TRAPPC9: variants seen among roughly 807,000 people sequenced by gnomAD.
The protein encoded by TRAPPC9 is IKK2 binding protein.
In TRAPPC9, 83 loss-of-function variants were observed where a neutral mutation model predicts 124.0. The observed-to-expected ratio is 0.67, with a 90% confidence interval of 0.56 to 0.80. The LOEUF (loss-of-function observed/expected upper bound fraction) is 0.80, where lower values mean the gene tolerates loss of function less well. Among genes scored for constraint, TRAPPC9 ranks in the 30% least tolerant of loss-of-function variants. TRAPPC9 has a pLI of 0.00. For missense variants in TRAPPC9, 1,302 were observed against 1,508.3 expected (o/e 0.86, Z 2.27); for synonymous variants, 638 against 617.5 (o/e 1.03, Z -0.49).
chr8:139,980,049 A>C (rs1587401172), intron 19 of TRAPPC9, among the ~76,000 whole-genome samples: 1 of 151,362 alleles, frequency 6.6e-6, no homozygotes, highest in African/African-American at 2.4e-5. Context: ...TCCTGCAGGT[A>C]CCCCCCAGTG....
chr8:140,062,367 G>A (rs528172992), intron 17 of TRAPPC9, among the ~76,000 whole-genome samples: 4 of 152,236 alleles, frequency 2.6e-5, no homozygotes, highest in East Asian at 1.9e-4. Flanking sequence ...ATGACATTTC[G>A]GTAGGACGTG....
chr8:139,932,632 C>A (rs1300175860), intron 19 of TRAPPC9: 1 of 414,918 alleles, frequency 2.4e-6, no homozygotes, highest in Admixed American at 2.5e-5. Flanking sequence ...GGTGTGTTGG[C>A]ACATGCCTGT....
chr8:139,999,726 C>A (rs1838267732), intron 18 of TRAPPC9, among the ~76,000 whole-genome samples: 1 of 152,078 alleles, frequency 6.6e-6, no homozygotes, highest in African/African-American at 2.4e-5. Flanking sequence ...CTTCTCTGAC[C>A]AAAACAGAAT....
chr8:139,895,068 G>A (rs1332207135), intron 20 of TRAPPC9, among the ~76,000 whole-genome samples: 8 of 152,174 alleles, frequency 5.3e-5, no homozygotes, highest in Non-Finnish European at 2.9e-5. Context: ...ACACGTCCCG[G>A]GCTACTCGGG....
At chr8:139,771,689 A>G (rs533082585) in intron 21 of TRAPPC9, among the ~76,000 whole-genome samples, 2 of 152,308 alleles carry the variant, frequency 1.3e-5, no homozygotes, top group African/African-American at 4.8e-5. Context: ...GACCACACGG[A>G]TATTTGTGAC....
intron 11 of TRAPPC9, among the ~76,000 whole-genome samples, chr8:140,293,335 T>TA (rs1452514643): frequency 4.0e-4 from 61 of 151,600 alleles, no homozygotes; most frequent in Middle Eastern, 3.4e-3. Flanking sequence ...GAACCAGAAA[T>TA]ACCATTTGAC....
intron 17 of TRAPPC9, among the ~76,000 whole-genome samples, chr8:140,070,560 C>G (rs1337771020): frequency 6.6e-6 from 1 of 152,072 alleles, no homozygotes; most frequent in East Asian, 1.9e-4. Flanking sequence ...TGAGAAAAAC[C>G]AGACTGTTCT....
At chr8:140,294,948 C>T (rs1227159789) in intron 11 of TRAPPC9, among the ~76,000 whole-genome samples, 1 of 152,184 alleles carries the variant, frequency 6.6e-6, no homozygotes, top group Non-Finnish European at 1.5e-5. Flanking sequence ...GAGATAACCC[C>T]TTTCCATCCT....
chr8:140,407,683 G>A lies in TRAPPC9; in HGVS notation c.887-1985C>T, dbSNP rs1366057805. Reference sequence around the variant, plus strand: ...CAGTGGTACTGGAGTGCAGTGGCACGATCTCAGCTCGCTACAACCCCCCTC... The same window carrying A: ...CAGTGGTACTGGAGTGCAGTGGCACAATCTCAGCTCGCTACAACCCCCCTC... On this transcript the variant is annotated intron_variant, in intron 5 of 22. Transcript: ENST00000438773. 2.6e-5 allele frequency among the ~76,000 whole-genome samples: 4 copies of A among 152,066 alleles called. No homozygotes were observed. In the East Asian group the frequency reaches 5.8e-4, roughly 22 times the overall value.
intron 17 of TRAPPC9, among the ~76,000 whole-genome samples, chr8:140,160,359 C>T (rs907658294): frequency 3.3e-5 from 5 of 152,112 alleles, no homozygotes; most frequent in African/African-American, 4.8e-5. Flanking sequence ...ATGTTTATTG[C>T]GGCACTATTC....
intron 21 of TRAPPC9, among the ~76,000 whole-genome samples, chr8:139,841,532 A>C (rs574211470): frequency 1.3e-5 from 2 of 152,338 alleles, no homozygotes; most frequent in South Asian, 2.1e-4. Context: ...GACTGTGCTC[A>C]TGGTCAACAC....
At chr8:140,069,211 T>A (rs1843017775) in intron 17 of TRAPPC9, among the ~76,000 whole-genome samples, 1 of 152,218 alleles carries the variant, frequency 6.6e-6, no homozygotes. Flanking sequence ...CAATTGAATG[T>A]TGCTATTCTC....
chr8:139,992,888 A>T (rs551461055), intron 18 of TRAPPC9, among the ~76,000 whole-genome samples: 1 of 152,234 alleles, frequency 6.6e-6, no homozygotes, highest in East Asian at 1.9e-4. Flanking sequence ...CTCACATCAT[A>T]TATAAAAATA....
intron 18 of TRAPPC9, among the ~76,000 whole-genome samples, chr8:140,016,994 T>C (rs1158302529): frequency 1.3e-5 from 2 of 152,216 alleles, no homozygotes; most frequent in African/African-American, 2.4e-5. Flanking sequence ...AGTGGGTATA[T>C]AGTAGTATCT....
intron 21 of TRAPPC9, among the ~76,000 whole-genome samples, chr8:139,801,874 G>A (rs1441520654): frequency 3.3e-5 from 5 of 152,162 alleles, no homozygotes; most frequent in East Asian, 1.9e-4. Context: ...AACAATCTGC[G>A]CCTCTCGGTA....
At chr8:140,329,017 A>G (rs1280171901) in intron 9 of TRAPPC9, among the ~76,000 whole-genome samples, 1 of 152,154 alleles carries the variant, frequency 6.6e-6, no homozygotes, top group Non-Finnish European at 1.5e-5. Context: ...AAAGCACCGG[A>G]GGGTGGAGAG....
intron 21 of TRAPPC9, among the ~76,000 whole-genome samples, chr8:139,754,986 G>A (rs1181896925): frequency 6.6e-6 from 1 of 152,252 alleles, no homozygotes; most frequent in African/African-American, 2.4e-5. Context: ...CACTGCCAGG[G>A]GCCCTGGGAA....
rs150821515 is a variant in TRAPPC9 at position 139,838,055 on chromosome 8, G to A, written c.3055+47824C>T. Among the ~76,000 whole-genome samples the A allele has an allele frequency of 9.9e-5, 15 of 152,222 alleles. No individual in the cohort carries two copies. In the East Asian group the frequency reaches 2.5e-3, roughly 25 times the overall value. Reference sequence around the variant, plus strand: ...TTCCAGGACAGAGTCTAAAGGGCTCGCTGCACCCACAGGCCTCCACACCAG... The same window carrying A: ...TTCCAGGACAGAGTCTAAAGGGCTCACTGCACCCACAGGCCTCCACACCAG... On this transcript the variant is annotated intron_variant, in intron 21 of 22. Coordinates refer to ENST00000438773, the MANE Select transcript of TRAPPC9 (RefSeq NM_001160372.4).
chr8:140,262,956 C>G (rs931664187), intron 15 of TRAPPC9, among the ~76,000 whole-genome samples: 1 of 152,192 alleles, frequency 6.6e-6, no homozygotes. Flanking sequence ...CAGAGGACAT[C>G]TGGGAGTGAG....
Sources: allele counts gnomAD v4.1 joint callset (sites outside exome capture counted in the v4.1 genomes callset), GRCh38; gene constraint gnomAD v4.1.1; transcripts MANE v1.5; gene names NCBI Gene and HGNC (gene_info 2026-07-23, HGNC 2026-07-21).